Variants in KAZN observed in about 807,000 individuals in gnomAD.
KAZN encodes the protein kazrin, periplakin interacting protein, also known as kazrin.
KAZN carries 40 observed loss-of-function variants against 87.4 expected under a neutral mutation model. That is an observed-to-expected ratio of 0.46 (90% CI 0.36 to 0.60). The LOEUF (loss-of-function observed/expected upper bound fraction) is 0.60, where lower values mean the gene tolerates loss of function less well. Among genes scored for constraint, KAZN ranks in the 20% least tolerant of loss-of-function variants. The pLI, the probability that KAZN is intolerant of heterozygous loss-of-function variation, is 0.00. For missense variants in KAZN, 898 were observed against 1,073.9 expected, an observed-to-expected ratio of 0.84 and a Z score of 2.29; for synonymous variants, 466 against 458.3, an observed-to-expected ratio of 1.02 and a Z score of -0.22.
At chr1:14,816,797 G>C (rs943391861) in intron 1 of KAZN, among the ~76,000 whole-genome samples, 6 of 152,130 alleles carry the variant, frequency 3.9e-5, no homozygotes, top group Non-Finnish European at 8.8e-5. Flanking sequence ...AATAGATAGA[G>C]ATGGCTGGAT....
At chr1:14,953,367 C>G (rs1662726909) in intron 1 of KAZN, among the ~76,000 whole-genome samples, 1 of 152,244 alleles carries the variant, frequency 6.6e-6, no homozygotes, top group Non-Finnish European at 1.5e-5. Flanking sequence ...TTGCTCCTCT[C>G]CTTTTGGAAG....
In KAZN at chr1:14,309,232, G is replaced by A. The variant is rs1655125797; in HGVS notation, c.249+128640G>A. 3.3e-5 allele frequency among the ~76,000 whole-genome samples: 5 copies of A among 152,160 alleles called. No individual in the cohort carries two copies. The South Asian group carries it at 1.0e-3, about 32-fold the overall frequency. ...GCAACCCTTTTAAAAAAAATTGATG[G>A]TTAGATTTTTGTCAGATGCCACCCA... On this transcript the variant is annotated intron_variant, in intron 2 of 16. Transcript: ENST00000636203.
At chr1:14,595,864 GA>G (rs202164808), upstream of KAZN, among the ~76,000 whole-genome samples, 11 of 151,432 alleles carry the variant, frequency 7.3e-5, no homozygotes, top group African/African-American at 2.2e-4. Context: ...TTCATGTTAG[GA>G]AAAAAAACTC....
chr1:15,087,509 C>T (rs1451297476), intron 8 of KAZN, among the ~76,000 whole-genome samples: 4 of 151,942 alleles, frequency 2.6e-5, no homozygotes, highest in East Asian at 1.9e-4. Flanking sequence ...TCTCCTGCCT[C>T]GGCCTCCCGA....
intron 1 of KAZN, among the ~76,000 whole-genome samples, chr1:14,852,010 T>A (rs1349389207): frequency 1.3e-5 from 2 of 152,190 alleles, no homozygotes; most frequent in African/African-American, 2.4e-5. Context: ...AATGAAGTCA[T>A]ATCTCAGCTC....
chr1:14,436,961 C>T (rs554720640), intron 2 of KAZN, among the ~76,000 whole-genome samples: 3 of 152,284 alleles, frequency 2.0e-5, no homozygotes, highest in African/African-American at 7.2e-5. Context: ...TTTATTATCA[C>T]TTTTTAAAAG....
chr1:14,382,460 C>CCTCCCCA (rs1353375996), intron 2 of KAZN, among the ~76,000 whole-genome samples: 2 of 69,828 alleles, frequency 2.9e-5, no homozygotes, highest in Non-Finnish European at 5.4e-5. Context: ...CAATGCTATC[C>CCTCCCCA]CTCCCCCCTC....
At chr1:14,147,832 G>A (rs1413427821) in intron 1 of KAZN, among the ~76,000 whole-genome samples, 1 of 151,476 alleles carries the variant, frequency 6.6e-6, no homozygotes, top group Non-Finnish European at 1.5e-5. Flanking sequence ...AGGTCACTAC[G>A]TAGAAACCTT....
rs190860701 is a variant in KAZN, at chr1:14,096,607, C to T, written c.92-83828C>T. ...ATTGACATTTATTGAGCACTTACTA[C>T]GTGCCAGGCACTGTTGGAATTCTTT... On this transcript the variant is annotated intron_variant, in intron 1 of 16. Transcript: ENST00000636203. 2.8e-3 allele frequency among the ~76,000 whole-genome samples: 428 copies of T among 152,348 alleles called. 3 individuals are homozygous for T. The highest frequency in any genetic ancestry group is 9.7e-3 in the African/African-American group (403 of 41,582).
intron 1 of KAZN, among the ~76,000 whole-genome samples, chr1:14,916,849 G>A (rs891888012): frequency 6.6e-6 from 1 of 151,992 alleles, no homozygotes; most frequent in African/African-American, 2.4e-5. Context: ...AGGAGTTTGA[G>A]GCTGCATTGA....
chr1:14,518,074 C>G (rs2148459514), intron 2 of KAZN, among the ~76,000 whole-genome samples: 1 of 151,822 alleles, frequency 6.6e-6, no homozygotes. Flanking sequence ...GCTACAGGAC[C>G]TTGAACAAGC....
chr1:14,237,396 C>G (rs927764324), intron 2 of KAZN, among the ~76,000 whole-genome samples: 5 of 152,258 alleles, frequency 3.3e-5, no homozygotes, highest in Middle Eastern at 3.4e-3. Context: ...GCAAAGAGAT[C>G]AGACCTTGGC....
intron 1 of KAZN, among the ~76,000 whole-genome samples, chr1:14,033,928 A>G (rs2013482): frequency 0.14 from 21,405 of 152,234 alleles, 1,903 homozygotes; most frequent in Middle Eastern, 0.25. Flanking sequence ...AATCCAGTCC[A>G]TGCTTCCCTG....
chr1:15,108,994 A>C (rs1007566666), intron 13 of KAZN, among the ~76,000 whole-genome samples: 6 of 152,156 alleles, frequency 3.9e-5, no homozygotes, highest in Admixed American at 6.5e-5. Context: ...GGAAAAAATA[A>C]GGAGGGAGGA....
At chr1:15,040,708 G>A (rs1191245605) in intron 3 of KAZN, among the ~76,000 whole-genome samples, 1 of 151,818 alleles carries the variant, frequency 6.6e-6, no homozygotes, top group Non-Finnish European at 1.5e-5. Context: ...AGAGGTTGCA[G>A]TCAGCCAAGA....
chr1:13,898,542 C>T (rs1230518978), intron 1 of KAZN, among the ~76,000 whole-genome samples: 3 of 152,216 alleles, frequency 2.0e-5, no homozygotes, highest in African/African-American at 7.2e-5. Context: ...GTCCTGCTGA[C>T]GCTGCATGAA....
At chr1:14,025,021 C>CT (rs905826203) in intron 1 of KAZN, among the ~76,000 whole-genome samples, 6 of 152,168 alleles carry the variant, frequency 3.9e-5, no homozygotes, top group Admixed American at 1.3e-4. Flanking sequence ...CAAAGCACAT[C>CT]TTTTTTGTCT....
intron 1 of KAZN, among the ~76,000 whole-genome samples, chr1:14,852,418 C>T (rs1443972956): frequency 6.6e-6 from 1 of 152,190 alleles, no homozygotes; most frequent in East Asian, 1.9e-4. Context: ...GCCAGGCCTG[C>T]GAATGAGGAG....
chr1:14,466,721 C>T (rs1331806548), intron 2 of KAZN, among the ~76,000 whole-genome samples: 1 of 151,316 alleles, frequency 6.6e-6, no homozygotes, highest in Non-Finnish European at 1.5e-5. Flanking sequence ...GTAATCCCAG[C>T]ACTTCGGGAG....
Sources: gnomAD v4.1 joint callset for allele counts (sites outside exome capture counted in the v4.1 genomes callset) on GRCh38, gnomAD v4.1.1 for gene constraint, MANE v1.5 for transcripts, NCBI Gene and HGNC (gene_info 2026-07-23, HGNC 2026-07-21) for gene names.